The following AHRR variants were observed in gnomAD, a reference collection of about 807,000 sequenced individuals.
AHRR encodes the protein ahR repressor.
A neutral mutation model predicts 44.0 loss-of-function variants in AHRR; 28 were observed. The observed-to-expected ratio is 0.64, with a 90% confidence interval of 0.47 to 0.87. The LOEUF (loss-of-function observed/expected upper bound fraction) is 0.87, where lower values mean the gene tolerates loss of function less well. Ranked by LOEUF, AHRR falls within the 40% of genes least tolerant of loss-of-function variation. The pLI, the probability that AHRR is intolerant of heterozygous loss-of-function variation, is 0.00. For synonymous variants in AHRR, 434 were observed against 407.0 expected (o/e 1.07, Z -0.80); for missense variants, 990 against 953.9 (o/e 1.04, Z -0.50).
chr5:403,171 G>A (rs6869655), intron 4 of AHRR, among the ~76,000 whole-genome samples: 14,110 of 152,078 alleles, frequency 0.093, 795 homozygotes, highest in African/African-American at 0.16. Context: ...AGGCAAATTC[G>A]GAGGCAGAAA....
At chr5:422,549 ATCT>A (rs1560920562) in intron 5 of AHRR, 177 bp from the exon 6 acceptor site, 1 of 770,394 alleles carries the variant, frequency 1.3e-6, no homozygotes, top group Non-Finnish European at 2.1e-6. Context: ...CAACTTAGAC[ATCT>A]TCTCAGGAGG....
rs1212173802 is a variant in AHRR at position 361,471 on chromosome 5, C to T, written c.244+7560C>T. ...ATCTTTCCAGAAAGGGGAGAGTGTG[C>T]CTGGGGGTGATTCAGAGGTAACCAG... On this transcript the variant is annotated intron_variant, in intron 3 of 10. Transcript: ENST00000684583. Among the ~76,000 whole-genome samples the T allele has an allele frequency of 4.6e-5, 7 of 152,124 alleles. No individual in the cohort carries two copies. The South Asian group carries it at 1.5e-3, about 32-fold the overall frequency.
At chr5:415,324 C>T (rs1453625874) in intron 5 of AHRR, among the ~76,000 whole-genome samples, 6 of 146,284 alleles carry the variant, frequency 4.1e-5, no homozygotes, top group East Asian at 2.0e-4. Flanking sequence ...GCCTAGGGGC[C>T]GAATCTGCCT....
At chr5:379,460 A>G (rs1733890310) in intron 4 of AHRR, among the ~76,000 whole-genome samples, 2 of 152,336 alleles carry the variant, frequency 1.3e-5, no homozygotes, top group South Asian at 4.1e-4. Flanking sequence ...TTTAACTCTT[A>G]TCCCCCAGCA....
At chr5:397,785 T>C (rs1734803837) in intron 4 of AHRR, among the ~76,000 whole-genome samples, 1 of 109,748 alleles carries the variant, frequency 9.1e-6, no homozygotes, top group Admixed American at 1.0e-4. Context: ...ACGTAGCCCC[T>C]GACCATCCAC....
chr5:427,695 G>C, intron 7 of AHRR, 112 bp from the exon 8 acceptor site: 1 of 1,613,980 alleles, frequency 6.2e-7, no homozygotes, highest in Non-Finnish European at 8.5e-7. Flanking sequence ...CTCATGGTGA[G>C]CTGCCTCCCT....
intron 5 of AHRR, chr5:420,996 C>G (rs530934006): frequency 3.2e-4 from 134 of 413,072 alleles, no homozygotes; most frequent in African/African-American, 2.7e-3. Flanking sequence ...CACGATGGTT[C>G]TTCTTATGGT....
In AHRR at chr5:338,292, A is replaced by G. The variant is rs150561319; in HGVS notation, c.-10-5601A>G. ...TAGACCCATACTACAATCTGGTATC[A>G]TTTTCCTTTGGCCTGTAATGTTTCT... is the stretch of plus-strand genomic sequence containing the variant. On this transcript the variant is annotated intron_variant, in intron 1 of 10. Coordinates refer to ENST00000684583, the MANE Select transcript of AHRR (RefSeq NM_001377236.1). This position sits in a 1 kb window ranked among gnomAD's most constrained non-coding sequence, Gnocchi z 4.1. Among the ~76,000 whole-genome samples, 1,013 of 152,146 alleles carry G rather than the reference A, an allele frequency of 6.7e-3. 14 individuals are homozygous for G. The highest frequency in any genetic ancestry group is 0.023 in the East Asian group (120 of 5,176).
At position 405,543 on chromosome 5, in the gene AHRR, G is replaced by A. The variant is rs530495817; in HGVS notation, c.352-7801G>A. Among the ~76,000 whole-genome samples the A allele has an allele frequency of 6.6e-6, 1 of 152,180 alleles. No homozygotes were observed. The highest frequency in any genetic ancestry group is 1.5e-5 in the Non-Finnish European group (1 of 68,038). On this transcript the variant is annotated intron_variant, in intron 4 of 10. Transcript: ENST00000684583. This position sits in a 1 kb window ranked among gnomAD's most constrained non-coding sequence, Gnocchi z 4.5. ...TGAGACTTGGGTTTCTTGCTCAGAC[G>A]CTCAACACAGAGTTCAAATCCCACT...
At chr5:402,653 C>T (rs991470309) in intron 4 of AHRR, among the ~76,000 whole-genome samples, 18 of 151,836 alleles carry the variant, frequency 1.2e-4, no homozygotes, top group East Asian at 1.9e-4. Context: ...TTCCATGCAA[C>T]GCAGCAGCCC....
intron 4 of AHRR, among the ~76,000 whole-genome samples, chr5:399,666 C>T (rs553421019): frequency 5.3e-5 from 8 of 152,278 alleles, no homozygotes; most frequent in East Asian, 1.9e-4. Flanking sequence ...AAGGTGAGGG[C>T]GGAGGCGGCG....
chr5:376,552 A>ATGATAACCGTGGGGT, intron 3 of AHRR, 58 bp from the exon 4 acceptor site: 1 of 1,409,244 alleles, frequency 7.1e-7, no homozygotes, highest in Non-Finnish European at 9.6e-7. Flanking sequence ...ATGTGAATGA[A>ATGATAACCGTGGGGT]GAAGAGTGGC....
chr5:432,421 T>C, intron 8 of AHRR, 42 bp from the exon 9 acceptor site: 1 of 1,586,748 alleles, frequency 6.3e-7, no homozygotes, highest in South Asian at 1.1e-5. Flanking sequence ...TGTCATCTTG[T>C]TCATCCGTCA....
At chr5:379,877 T>G (rs1231253709) in intron 4 of AHRR, among the ~76,000 whole-genome samples, 1 of 152,234 alleles carries the variant, frequency 6.6e-6, no homozygotes, top group Admixed American at 6.5e-5. Context: ...TTTTGTAGAT[T>G]GATTTTGTTG....
At position 404,178 on chromosome 5, in the gene AHRR, G is replaced by A. The variant is rs942816935; in HGVS notation, c.352-9166G>A. On this transcript the variant is annotated intron_variant, in intron 4 of 10. Coordinates refer to ENST00000684583, the MANE Select transcript of AHRR (RefSeq NM_001377236.1). The surrounding 1 kb of genome is among the most constrained non-coding windows in gnomAD (Gnocchi z 4.1). ...CCTGGTGGGTCTGCATTCCTGTCAC[G>A]AGCTGGTCTTCTGCAGCCTTTGAAC... 5.8e-5 allele frequency: 31 copies of A among 536,022 alleles called. No homozygotes were observed. The highest frequency in any genetic ancestry group is 1.0e-4 in the Non-Finnish European group (29 of 278,324). The allele number at this position is 536,022 out of a possible 1,614,324, so 33.2% of individuals were successfully genotyped here. A position where few individuals can be genotyped will look rare whatever the true frequency, so the allele number is the denominator to read the frequency against.
At chr5:413,485 C>T (rs1364164576) in intron 5 of AHRR, 52 bp downstream of exon 5, 3 of 1,310,910 alleles carry the variant, frequency 2.3e-6, no homozygotes, top group Non-Finnish European at 3.3e-6. Context: ...TGTTGTCTTC[C>T]CTTTGTAAAT....
At chr5:422,107 G>C (rs369245619) in intron 5 of AHRR, among the ~76,000 whole-genome samples, 1 of 152,152 alleles carries the variant, frequency 6.6e-6, no homozygotes. Context: ...GCGCCGACAC[G>C]CTCACTGGCA....
intron 4 of AHRR, among the ~76,000 whole-genome samples, chr5:396,159 A>G (rs1579663129): frequency 6.6e-6 from 1 of 152,234 alleles, no homozygotes; most frequent in Middle Eastern, 3.4e-3. Context: ...ACCCAGACAG[A>G]GGGGCCCCGG....
chr5:389,185 G>C (rs1734298885), intron 4 of AHRR, among the ~76,000 whole-genome samples: 1 of 151,780 alleles, frequency 6.6e-6, no homozygotes, highest in Admixed American at 6.6e-5. Context: ...TGGGGTTGTG[G>C]GGGTGTCGAA....
Sources: allele counts gnomAD v4.1 joint callset (sites outside exome capture counted in the v4.1 genomes callset), GRCh38; gene constraint gnomAD v4.1.1; non-coding constraint Gnocchi (gnomAD v3.1); transcripts MANE v1.5; gene names NCBI Gene and HGNC (gene_info 2026-07-23, HGNC 2026-07-21).